Variants in LRRC38 observed in about 807,000 individuals in gnomAD.
LRRC38 encodes the protein leucine rich repeat containing 38, also known as leucine-rich repeat-containing protein 38.
Under a neutral mutation model 16.4 loss-of-function variants are expected in LRRC38, and 5 were observed. That is an observed-to-expected ratio of 0.31 (90% confidence interval 0.16 to 0.64). The LOEUF (loss-of-function observed/expected upper bound fraction) is 0.64. Ranked by LOEUF, LRRC38 falls within the 30% of genes least tolerant of loss-of-function variation. The pLI, the probability that LRRC38 is intolerant of heterozygous loss-of-function variation, is 0.80. For synonymous variants in LRRC38, 191 were observed against 190.2 expected (o/e 1.00, Z -0.04); for missense variants, 341 against 401.8 (o/e 0.85, Z 1.29).
intron 1 of LRRC38, among the ~76,000 whole-genome samples, chr1:13,492,096 C>T (rs1316775245): frequency 2.0e-5 from 3 of 152,156 alleles, no homozygotes; most frequent in East Asian, 1.9e-4. Context: ...AAACTCTGTC[C>T]GCATTAAATA....
At chr1:13,491,836 C>T (rs927943950) in intron 1 of LRRC38, among the ~76,000 whole-genome samples, 1 of 152,126 alleles carries the variant, frequency 6.6e-6, no homozygotes, top group Non-Finnish European at 1.5e-5. Context: ...CCACCACGCC[C>T]AGCTAATTTT....
At chr1:13,481,369 T>C (rs1638852253) in intron 1 of LRRC38, among the ~76,000 whole-genome samples, 1 of 148,680 alleles carries the variant, frequency 6.7e-6, no homozygotes, top group African/African-American at 2.5e-5. Context: ...GGGATTAGTG[T>C]TCTTATGTTT....
intron 1 of LRRC38, among the ~76,000 whole-genome samples, chr1:13,481,793 C>T (rs967898860): frequency 3.4e-4 from 31 of 91,058 alleles, no homozygotes; most frequent in African/African-American, 1.4e-3. Context: ...CTCTCCCTCT[C>T]TCTCTCTCTC....
At chr1:13,484,273 C>A (rs1638905960) in intron 1 of LRRC38, among the ~76,000 whole-genome samples, 1 of 152,132 alleles carries the variant, frequency 6.6e-6, no homozygotes, top group African/African-American at 2.4e-5. Context: ...GCTCTCCCCA[C>A]CCCATCATCC....
Position 13,513,519 on chromosome 1 carries a change from C to A in LRRC38, c.75G>T (p.Gly25=), listed in dbSNP as rs1260787762. Reference sequence around the variant, plus strand: ...AGGCGCAGCCCGCGGGGCACGCGTGCCCGGGCGCGAGCAGCAGCAGAAGGC... The same window carrying A: ...AGGCGCAGCCCGCGGGGCACGCGTGACCGGGCGCGAGCAGCAGCAGAAGGC... ...LCSLLLLLAP[G]HACPAGCACT... is the part of the protein sequence containing the mutation. The change falls in exon 1 of 2, where the codon GGG becomes GGT. Residue 25 remains glycine, a synonymous_variant. Transcript: ENST00000376085. 1.4e-6 allele frequency: 2 copies of A among 1,442,294 alleles called. No individual in the cohort carries two copies. Among genetic ancestry groups the A allele is most frequent in the African/African-American group, 1.4e-5 (1 of 69,014 alleles). The allele number at this position is 1,442,294 out of a possible 1,614,324, so 89.3% of individuals were successfully genotyped here. A position where few individuals can be genotyped will look rare whatever the true frequency, so the allele number is the denominator to read the frequency against.
chr1:13,506,480 CAG>C (rs1639215180), intron 1 of LRRC38, among the ~76,000 whole-genome samples: 1 of 152,056 alleles, frequency 6.6e-6, no homozygotes, highest in Non-Finnish European at 1.5e-5. Flanking sequence ...TTTTTTGAGA[CAG>C]AGTCTCGCTC....
chr1:13,513,748 G>A lies in LRRC38; in HGVS notation c.-155C>T, dbSNP rs1639306111. On this transcript the variant is annotated 5_prime_UTR_variant, in exon 1 of 2. Coordinates refer to ENST00000376085, the MANE Select transcript of LRRC38 (RefSeq NM_001010847.2). ...GTGCGCCCGGGCGTGCGGGGGCGAT[G>A]GAGCGCGGCGCGGACGGACTGGGGA... 1 of 203,146 alleles carries A rather than the reference G, an allele frequency of 4.9e-6. No individual in the cohort carries two copies. The highest frequency in any genetic ancestry group is 2.4e-5 in the African/African-American group (1 of 41,346). 12.6% of individuals were successfully genotyped at this position (203,146 alleles called of 1,614,324 possible). A position where few individuals can be genotyped will look rare whatever the true frequency, so the allele number is the denominator to read the frequency against.
At position 13,513,708 on chromosome 1, in the gene LRRC38, C is replaced by A; in HGVS notation, c.-115G>T. On this transcript the variant is annotated 5_prime_UTR_variant, in exon 1 of 2. Transcript: ENST00000376085. Reference sequence around the variant, plus strand: ...CGGGCGCGGGGAGCCAGAGGGCGGCCCGGGCGGGGAGGGCGTGCGCCCGGG... The same window carrying A: ...CGGGCGCGGGGAGCCAGAGGGCGGCACGGGCGGGGAGGGCGTGCGCCCGGG... 1.6e-6 allele frequency: 1 copy of A among 625,300 alleles called. No homozygotes were observed. Among genetic ancestry groups the A allele is most frequent in the Non-Finnish European group, 2.0e-6 (1 of 500,408 alleles). The allele number at this position is 625,300 out of a possible 1,614,324, so 38.7% of individuals were successfully genotyped here. A position where few individuals can be genotyped will look rare whatever the true frequency, so the allele number is the denominator to read the frequency against.
intron 1 of LRRC38, among the ~76,000 whole-genome samples, chr1:13,500,254 CA>C (rs33912498): frequency 0.13 from 17,673 of 136,200 alleles, 1,069 homozygotes; most frequent in African/African-American, 0.16. Context: ...GACTCTGTCT[CA>C]AAAAAAAAAA....
Position 13,512,957 on chromosome 1 carries a change from G to A in LRRC38, c.631+6C>T. ...TCCCTCCCCCAGCCTAGCCGGCTCG[G>A]CTCACCTTTGGGCAGTTTGGATGCG... On this transcript the variant is annotated splice_donor_region_variant and intron_variant, in intron 1 of 1. Transcript: ENST00000376085. 6.7e-7 allele frequency: 1 copy of A among 1,501,836 alleles called. No homozygotes were observed. Among genetic ancestry groups the A allele is most frequent in the Non-Finnish European group, 9.0e-7 (1 of 1,115,434 alleles). 93.0% of individuals were successfully genotyped at this position (1,501,836 alleles called of 1,614,324 possible).
rs553784894 is a variant in LRRC38, at chr1:13,505,319, G to A, written c.631+7644C>T. On this transcript the variant is annotated intron_variant, in intron 1 of 1. Coordinates refer to ENST00000376085, the MANE Select transcript of LRRC38 (RefSeq NM_001010847.2). ...AGGAGCTGCGGCTCAGGGGGCTACC[G>A]GGGATTTGACCAAGATCACAACAAC... Among the ~76,000 whole-genome samples, 14 of 152,306 alleles carry A rather than the reference G, an allele frequency of 9.2e-5. No homozygotes were observed. In the South Asian group the frequency reaches 1.7e-3, roughly 18 times the overall value.
intron 1 of LRRC38, among the ~76,000 whole-genome samples, chr1:13,496,930 G>A (rs576895080): frequency 8.5e-4 from 130 of 152,264 alleles, no homozygotes; most frequent in African/African-American, 3.1e-3. Flanking sequence ...CTGACGGGAG[G>A]GAGGGGCCAA....
Position 13,494,398 on chromosome 1 carries a change from C to CT in LRRC38, c.632-18300dup, listed in dbSNP as rs34023623. ...TGTGTGTGCCAGGCACTGTGCTAGA[C>CT]TTTTTTTTTTTTTTTTTTTTCCATT... On this transcript the variant is annotated intron_variant, in intron 1 of 1. Coordinates refer to ENST00000376085, the MANE Select transcript of LRRC38 (RefSeq NM_001010847.2). 6.8e-3 allele frequency among the ~76,000 whole-genome samples: 847 copies of CT among 123,936 alleles called. 3 individuals carry two copies. Among genetic ancestry groups the CT allele is most frequent in the African/African-American group, 0.018 (610 of 34,452 alleles). The allele number at this position is 123,936 out of a possible 152,430, so 81.3% of individuals were successfully genotyped here. A position where few individuals can be genotyped will look rare whatever the true frequency, so the allele number is the denominator to read the frequency against.
Position 13,507,737 on chromosome 1 carries a change from C to A in LRRC38, c.631+5226G>T, listed in dbSNP as rs373251925. Among the ~76,000 whole-genome samples the A allele has an allele frequency of 6.2e-4, 95 of 152,210 alleles. 2 individuals are homozygous for A. The East Asian group carries it at 0.012, about 19-fold the overall frequency. On this transcript the variant is annotated intron_variant, in intron 1 of 1. Transcript: ENST00000376085. Reference sequence around the variant, plus strand: ...ATCCCAGCTACTTGGGAGGCTGAGGCAGGAGAATCACTTGAACCTGGGAGG... The same window carrying A: ...ATCCCAGCTACTTGGGAGGCTGAGGAAGGAGAATCACTTGAACCTGGGAGG...
At chr1:13,512,929 C>G in intron 1 of LRRC38, 34 bp downstream of exon 1, 50 of 1,184,608 alleles carry the variant, frequency 4.2e-5, no homozygotes, top group Non-Finnish European at 5.2e-5. Flanking sequence ...CTGCCCCCCT[C>G]CCTCCCTCCC....
At chr1:13,477,288 G>T (rs1012806019) in intron 1 of LRRC38, among the ~76,000 whole-genome samples, 2 of 152,152 alleles carry the variant, frequency 1.3e-5, no homozygotes, top group African/African-American at 4.8e-5. Flanking sequence ...TTTAGTATTT[G>T]CCATGTACAA....
intron 1 of LRRC38, among the ~76,000 whole-genome samples, chr1:13,503,952 C>T (rs969090289): frequency 6.6e-6 from 1 of 152,116 alleles, no homozygotes; most frequent in Admixed American, 6.5e-5. Context: ...TGGCAGCCTC[C>T]GACGTGCAAG....
rs138892735 is a variant in LRRC38, at chr1:13,481,660, A to G, written c.632-5561T>C. Among the ~76,000 whole-genome samples the G allele has an allele frequency of 3.2e-3, 490 of 151,982 alleles. 6 individuals are homozygous for G. Among genetic ancestry groups the G allele is most frequent in the East Asian group, 0.025 (131 of 5,148 alleles). On this transcript the variant is annotated intron_variant, in intron 1 of 1. Transcript: ENST00000376085. The stretch of plus-strand genomic sequence containing the variant: ...TCCGCCCGCCTTGGCCTCCCAAAGT[A>G]CTGGGATTACAGGCATGAGTCACCG...
chr1:13,508,591 T>C (rs1488861782), intron 1 of LRRC38, among the ~76,000 whole-genome samples: 4 of 152,230 alleles, frequency 2.6e-5, no homozygotes, highest in African/African-American at 9.6e-5. Context: ...AAAACTTTCA[T>C]AGCAATGGGA....
Sources: gnomAD v4.1 joint callset for allele counts (sites outside exome capture counted in the v4.1 genomes callset) on GRCh38, gnomAD v4.1.1 for gene constraint, MANE v1.5 for transcripts, NCBI Gene and HGNC (gene_info 2026-07-23, HGNC 2026-07-21) for gene names.